The following ARSK variants were observed in gnomAD, a reference collection of about 807,000 sequenced individuals.
ARSK encodes arylsulfatase K.
Under a neutral mutation model 53.2 loss-of-function variants are expected in ARSK, and 37 were observed. That is an observed-to-expected ratio of 0.70 (90% confidence interval 0.54 to 0.92). The LOEUF (loss-of-function observed/expected upper bound fraction) is 0.92. Ranked by LOEUF, ARSK falls within the 40% of genes least tolerant of loss-of-function variation. ARSK has a pLI of 0.00. For missense variants in ARSK, 613 were observed against 643.0 expected, an observed-to-expected ratio of 0.95 and a Z score of 0.51; for synonymous variants, 208 against 223.2, an observed-to-expected ratio of 0.93 and a Z score of 0.61.
intron 1 of ARSK, chr5:95,556,417 A>G: frequency 1.7e-6 from 1 of 587,078 alleles, no homozygotes; most frequent in South Asian, 2.1e-5. Context: ...TTGCCATCTT[A>G]TGAATGACAG....
chr5:95,569,308 A>G (rs1478461286), intron 3 of ARSK, among the ~76,000 whole-genome samples: 1 of 152,226 alleles, frequency 6.6e-6, no homozygotes, highest in African/African-American at 2.4e-5. Flanking sequence ...ATAAGAAAAA[A>G]TTAAGTTAAC....
At chr5:95,586,860 T>C (rs947043135) in intron 5 of ARSK, 127 bp downstream of exon 5, 5 of 702,758 alleles carry the variant, frequency 7.1e-6, no homozygotes, top group Non-Finnish European at 1.1e-5. Context: ...TTGACACTTA[T>C]CAAAACTTGA....
intron 5 of ARSK, among the ~76,000 whole-genome samples, chr5:95,590,002 G>A (rs564802971): frequency 4.6e-5 from 7 of 152,190 alleles, no homozygotes; most frequent in East Asian, 1.9e-4. Flanking sequence ...CCAGTTAGAC[G>A]TTTATTGAAT....
At chr5:95,602,301 G>C (rs1749415184) in intron 7 of ARSK, among the ~76,000 whole-genome samples, 1 of 152,126 alleles carries the variant, frequency 6.6e-6, no homozygotes, top group Non-Finnish European at 1.5e-5. Context: ...AAGCCAATTT[G>C]TTCTTTAAAT....
In ARSK at chr5:95,603,267, A is replaced by G. The variant is rs1442162208; in HGVS notation, c.1352A>G (p.Asn451Ser). Residue 451 changes from asparagine to serine, a missense_variant, in exon 8 of 8, where the codon AAT becomes AGT. Coordinates refer to ENST00000380009, the MANE Select transcript of ARSK (RefSeq NM_198150.3). ...DLSSDPDELT[N>S]VAVKFPEITY... ...TCCTCGGATCCAGATGAATTAACAA[A>G]TGTTGCTGTAAAATTTCCAGAAATT... 1.3e-6 allele frequency: 2 copies of G among 1,589,964 alleles called. No homozygotes were observed. The highest frequency in any genetic ancestry group is 1.8e-5 in the Admixed American group (1 of 56,456).
rs4645348 is a variant in ARSK, at chr5:95,594,916, T to C, written c.1096+3291T>C. Among the ~76,000 whole-genome samples the C allele has an allele frequency of 8.0e-3, 1,214 of 152,340 alleles. 17 individuals are homozygous for C. The highest frequency in any genetic ancestry group is 0.027 in the African/African-American group (1,122 of 41,560). Reference sequence around the variant, plus strand: ...GGAATATAAACTGATACAAATGTTTTGTAGGCAAATGTGACGTTACATTTC... The same window carrying C: ...GGAATATAAACTGATACAAATGTTTCGTAGGCAAATGTGACGTTACATTTC... On this transcript the variant is annotated intron_variant, in intron 6 of 7. Transcript: ENST00000380009.
intron 5 of ARSK, among the ~76,000 whole-genome samples, chr5:95,588,302 T>A (rs894622766): frequency 6.7e-6 from 1 of 149,880 alleles, no homozygotes; most frequent in Admixed American, 6.7e-5. Flanking sequence ...AGTGGCGGGG[T>A]CTCTGCTTAC....
intron 6 of ARSK, among the ~76,000 whole-genome samples, chr5:95,597,255 G>A (rs1749324747): frequency 6.6e-6 from 1 of 152,096 alleles, no homozygotes. Context: ...TAAAAGATAA[G>A]TCTAGATTTT....
chr5:95,599,643 T>G (rs986956401), intron 6 of ARSK, among the ~76,000 whole-genome samples: 15 of 152,210 alleles, frequency 9.9e-5, no homozygotes, highest in Non-Finnish European at 1.9e-4. Flanking sequence ...TTTCTTTCCT[T>G]ATCTCTGAAC....
At chr5:95,585,697 C>T (rs1749100714) in intron 4 of ARSK, among the ~76,000 whole-genome samples, 1 of 152,112 alleles carries the variant, frequency 6.6e-6, no homozygotes. Context: ...TAAAAGACTA[C>T]ATACAAATTG....
intron 1 of ARSK, chr5:95,556,364 A>T: frequency 1.6e-6 from 1 of 640,688 alleles, no homozygotes; most frequent in Non-Finnish European, 2.8e-6. Context: ...AATCAAAGGC[A>T]AATGAAGGAA....
Position 95,586,560 on chromosome 5 carries a change from A to G in ARSK, c.700-2A>G. The G allele has an allele frequency of 6.2e-7, 1 of 1,605,930 alleles. No individual in the cohort carries two copies. Among genetic ancestry groups the G allele is most frequent in the Non-Finnish European group, 8.5e-7 (1 of 1,177,506 alleles). ...TAACTAAGTTTTTTCTCCCCTTTTTAGGTGTCTCATGATGCCATCAAAATC... is the reference window on the plus strand; with the variant it reads ...TAACTAAGTTTTTTCTCCCCTTTTTGGGTGTCTCATGATGCCATCAAAATC... On this transcript the variant is annotated splice_acceptor_variant, in intron 4 of 7. Coordinates refer to ENST00000380009, the MANE Select transcript of ARSK (RefSeq NM_198150.3). LOFTEE classifies it high-confidence loss of function.
chr5:95,600,507 A>C, intron 6 of ARSK: 1 of 402,244 alleles, frequency 2.5e-6, no homozygotes, highest in Non-Finnish European at 4.7e-6. Context: ...CTATTTGTTG[A>C]AGGCTCCTAT....
intron 6 of ARSK, among the ~76,000 whole-genome samples, chr5:95,592,634 T>C (rs1749239428): frequency 6.6e-6 from 1 of 152,124 alleles, no homozygotes; most frequent in South Asian, 2.1e-4. Context: ...CTGCAACCTC[T>C]GCCTAACAGT....
Position 95,600,943 on chromosome 5 carries a change from T to A in ARSK, c.1193T>A (p.Leu398Gln). The change falls in exon 7 of 8, where the codon CTG becomes CAG. Residue 398 changes from leucine to glutamine, a missense_variant. Physicochemically the swap from Leu to Gln is moderately radical, Grantham distance 113 (BLOSUM62 -2). Transcript: ENST00000380009. The stretch of plus-strand genomic sequence containing the variant: ...AAGAATGAACATAAAGTCAAAAACC[T>A]GCATCCACCCTGGATTCTGAGTGAA... ...TFKNEHKVKN[L>Q]HPPWILSEFH... 6.2e-7 allele frequency: 1 copy of A among 1,614,094 alleles called. No homozygotes were observed. Among genetic ancestry groups the A allele is most frequent in the Non-Finnish European group, 8.5e-7 (1 of 1,179,960 alleles).
rs756508104 is a variant in ARSK, at chr5:95,572,634, C to T, written c.416+4585C>T. 2.0e-4 allele frequency among the ~76,000 whole-genome samples: 31 copies of T among 152,238 alleles called. 1 individual carries two copies. Among genetic ancestry groups the T allele is most frequent in the African/African-American group, 7.5e-4 (31 of 41,552 alleles). ...TCTACTAAAAATGCAAAAAATTAGC[C>T]GGGCGTGGTGGCGGGCCCCTGTAGT... On this transcript the variant is annotated intron_variant, in intron 3 of 7. Coordinates refer to ENST00000380009, the MANE Select transcript of ARSK (RefSeq NM_198150.3).
chr5:95,591,493 C>G lies in ARSK; in HGVS notation c.964C>G (p.Arg322Gly), dbSNP rs199509272. 9.9e-6 allele frequency: 16 copies of G among 1,614,016 alleles called. No homozygotes were observed. In the South Asian group the frequency reaches 1.6e-4, roughly 17 times the overall value. The part of the protein sequence containing the change: ...SDHGELAMEH[R>G]QFYKMSMYEA... ...CCATGGAGAGCTGGCCATGGAACAT[C>G]GACAGTTTTATAAAATGAGCATGTA... The change falls in exon 6 of 8, where the codon CGA becomes GGA. Residue 322 changes from arginine to glycine, a missense_variant. By Grantham distance (125) the Arg-to-Gly change is moderately radical. Coordinates refer to ENST00000380009, the MANE Select transcript of ARSK (RefSeq NM_198150.3).
Position 95,567,895 on chromosome 5 carries a change from T to A in ARSK, c.262T>A (p.Trp88Arg). The change falls in exon 3 of 8, where the codon TGG becomes AGG. Residue 88 changes from tryptophan to arginine, a missense_variant. Coordinates refer to ENST00000380009, the MANE Select transcript of ARSK (RefSeq NM_198150.3). ...PICCPSRAAM[W>R]SGLFTHLTES... Reference sequence around the variant, plus strand: ...CCTTTTTTTTTTTTTCTCAGCAATGTGGAGTGGCCTCTTCACTCACTTAAC... The same window carrying A: ...CCTTTTTTTTTTTTTCTCAGCAATGAGGAGTGGCCTCTTCACTCACTTAAC... The A allele has an allele frequency of 1.3e-6, 2 of 1,594,398 alleles. No individual in the cohort carries two copies. The highest frequency in any genetic ancestry group is 1.7e-6 in the Non-Finnish European group (2 of 1,172,502).
At chr5:95,558,913 G>A (rs1408855491) in intron 1 of ARSK, among the ~76,000 whole-genome samples, 1 of 152,164 alleles carries the variant, frequency 6.6e-6, no homozygotes, top group Non-Finnish European at 1.5e-5. Context: ...GACCGAGGTG[G>A]GTGGATCACC....
Sources: allele counts gnomAD v4.1 joint callset (sites outside exome capture counted in the v4.1 genomes callset), GRCh38; gene constraint gnomAD v4.1.1; transcripts MANE v1.5; gene names NCBI Gene and HGNC (gene_info 2026-07-23, HGNC 2026-07-21).